OTOGL: variants seen among roughly 807,000 people sequenced by gnomAD.
OTOGL encodes the protein otogelin-like protein.
In OTOGL, 285 loss-of-function variants were observed where a neutral mutation model predicts 318.5. The observed-to-expected ratio is 0.89, with a 90% CI of 0.81 to 0.99. The LOEUF (loss-of-function observed/expected upper bound fraction) is 0.99. OTOGL is among the 50% of genes least tolerant of loss of function. The pLI is 0.00. For missense variants in OTOGL, 2,899 were observed against 2,845.6 expected (o/e 1.02, Z -0.43); for synonymous variants, 987 against 936.5 (o/e 1.05, Z -0.99).
In OTOGL at chr12:80,365,259, T is replaced by C. The variant is rs74701219; in HGVS notation, c.6268-1315T>C. On this transcript the variant is annotated intron_variant, in intron 52 of 58. Transcript: ENST00000547103. ...CCAAAGTGGAAGCAGCCTAAAGTGA[T>C]TTTGTTGCAGACTTTACAGGAGAGG... Among the ~76,000 whole-genome samples, 1,125 of 152,236 alleles carry C rather than the reference T, an allele frequency of 7.4e-3. 15 individuals are homozygous for C. The highest frequency in any genetic ancestry group is 0.026 in the African/African-American group (1,086 of 41,560).
intron 1 of OTOGL, among the ~76,000 whole-genome samples, chr12:80,130,040 T>G (rs1592477188): frequency 6.6e-6 from 1 of 152,226 alleles, no homozygotes; most frequent in South Asian, 2.1e-4. Context: ...TATCTCCTTT[T>G]TTTTCTTCTG....
At position 80,367,573 on chromosome 12, in the gene OTOGL, T is replaced by G. The variant is rs1890620754; in HGVS notation, c.6344T>G (p.Val2115Gly). Residue 2115 changes from valine to glycine, a missense_variant, in exon 54 of 59, where the codon GTG (valine) becomes GGG (glycine). Physicochemically the swap from Val to Gly is moderately radical, Grantham distance 109. Coordinates refer to ENST00000547103, the MANE Select transcript of OTOGL (RefSeq NM_001378609.3). Reference protein sequence around the residue: ...CIQYLCEKDDVCVFQEVSVLN... With the variant: ...CIQYLCEKDDGCVFQEVSVLN... ...TTTCTGTTCTTAGAAAAGGATGATG[T>G]GTGTGTATTTCAAGAAGTATCAGTA... is the stretch of plus-strand genomic sequence containing the variant. 1 of 1,529,012 alleles carries G rather than the reference T, an allele frequency of 6.5e-7. No homozygotes were observed. 94.7% of individuals were successfully genotyped at this position (1,529,012 alleles called of 1,614,324 possible). A position where few individuals can be genotyped will look rare whatever the true frequency, so the allele number is the denominator to read the frequency against.
chr12:80,127,335 C>A (rs10778711), intron 1 of OTOGL, among the ~76,000 whole-genome samples: 96,683 of 150,992 alleles, frequency 0.64, 31,722 homozygotes, highest in African/African-American at 0.78. Flanking sequence ...TTCTGGGTTG[C>A]AAATTCTTTT....
intron 1 of OTOGL, among the ~76,000 whole-genome samples, chr12:80,110,391 T>C (rs1025576679): frequency 6.6e-6 from 1 of 152,164 alleles, no homozygotes; most frequent in Admixed American, 6.5e-5. Context: ...CTCCTAATGC[T>C]ATCCCTCCCC....
intron 8 of OTOGL, among the ~76,000 whole-genome samples, chr12:80,231,348 C>A (rs1363218391): frequency 1.3e-5 from 2 of 152,118 alleles, no homozygotes; most frequent in East Asian, 3.9e-4. Flanking sequence ...AAACATTTAG[C>A]TATTTTTCTA....
In OTOGL at chr12:80,235,689, G is replaced by T. The variant is rs1409923491; in HGVS notation, c.817+2592G>T. Among the ~76,000 whole-genome samples, 4 of 152,214 alleles carry T rather than the reference G, an allele frequency of 2.6e-5. No homozygotes were observed. In the East Asian group the frequency reaches 7.7e-4, roughly 29 times the overall value. ...GCCAACTGGGGCAGCATGCACAAGGGTGTCAGTCTGCCAGAGGAAGACTGG... is the reference window on the plus strand; with the variant it reads ...GCCAACTGGGGCAGCATGCACAAGGTTGTCAGTCTGCCAGAGGAAGACTGG... On this transcript the variant is annotated intron_variant, in intron 9 of 58. Coordinates refer to ENST00000547103, the MANE Select transcript of OTOGL (RefSeq NM_001378609.3).
intron 23 of OTOGL, 128 bp downstream of exon 23, chr12:80,270,282 C>A: frequency 2.7e-6 from 2 of 734,726 alleles, no homozygotes; most frequent in Non-Finnish European, 4.5e-6. Flanking sequence ...TGTTCTTCAA[C>A]ATGGTGTTCC....
At chr12:80,264,756 C>A (rs571362501) in intron 19 of OTOGL, among the ~76,000 whole-genome samples, 1 of 151,974 alleles carries the variant, frequency 6.6e-6, no homozygotes, top group African/African-American at 2.4e-5. Context: ...TTCTCTCAAC[C>A]CTTCTATTAC....
chr12:80,376,897 G>A (rs1054472803), intron 57 of OTOGL, among the ~76,000 whole-genome samples: 13 of 151,816 alleles, frequency 8.6e-5, no homozygotes, highest in Non-Finnish European at 1.8e-4. Flanking sequence ...GATATAAAGT[G>A]GAAATCAATA....
intron 37 of OTOGL, among the ~76,000 whole-genome samples, chr12:80,332,456 CTCACAGATGTGTTTACCAA>C (rs1287608892): frequency 6.6e-6 from 1 of 152,104 alleles, no homozygotes; most frequent in Non-Finnish European, 1.5e-5. Context: ...TAGAAGGTGC[CTCACAGATGTGTTTACCAA>C]TCACATCTCC....
chr12:80,109,688 C>A (rs1262565737), intron 1 of OTOGL, among the ~76,000 whole-genome samples: 3 of 152,130 alleles, frequency 2.0e-5, no homozygotes, highest in Non-Finnish European at 4.4e-5. Flanking sequence ...TTGGCCAGAT[C>A]CAATATCAAA....
In OTOGL at chr12:80,378,306, A is replaced by G; in HGVS notation, c.*258A>G. On this transcript the variant is annotated 3_prime_UTR_variant, in exon 59 of 59. Coordinates refer to ENST00000547103, the MANE Select transcript of OTOGL (RefSeq NM_001378609.3). ...AAATGCTGTTATGTATTTAATTACA[A>G]CTTGGTGCAGATACAGTATATTCTC... 5.6e-6 allele frequency: 2 copies of G among 355,048 alleles called. No individual in the cohort carries two copies. The highest frequency in any genetic ancestry group is 1.0e-5 in the Non-Finnish European group (2 of 194,864). The allele number at this position is 355,048 out of a possible 1,614,324, so 22.0% of individuals were successfully genotyped here.
intron 24 of OTOGL, among the ~76,000 whole-genome samples, chr12:80,274,679 G>C (rs918755190): frequency 1.3e-5 from 2 of 152,050 alleles, no homozygotes; most frequent in Non-Finnish European, 2.9e-5. Flanking sequence ...TTCTTAGCTA[G>C]AGAGAAGACA....
chr12:80,269,900 G>A (rs900681103), intron 22 of OTOGL, among the ~76,000 whole-genome samples: 1 of 151,948 alleles, frequency 6.6e-6, no homozygotes, highest in East Asian at 1.9e-4. Context: ...ACACTTATAG[G>A]TGTTTGATAA....
chr12:80,184,945 G>A (rs997795307), intron 1 of OTOGL, among the ~76,000 whole-genome samples: 1 of 152,214 alleles, frequency 6.6e-6, no homozygotes, highest in Non-Finnish European at 1.5e-5. Context: ...GTATTGGACT[G>A]TTACTCATCT....
intron 6 of OTOGL, among the ~76,000 whole-genome samples, chr12:80,221,241 G>A (rs1878293345): frequency 6.7e-6 from 1 of 150,230 alleles, no homozygotes; most frequent in South Asian, 2.1e-4. Context: ...CCAGTTTGAG[G>A]TCATGAATTA....
chr12:80,237,586 T>C (rs957701060), intron 9 of OTOGL, among the ~76,000 whole-genome samples: 3 of 152,094 alleles, frequency 2.0e-5, no homozygotes, highest in Non-Finnish European at 4.4e-5. Context: ...ACAAAGTTAA[T>C]ATGACTGGAG....
chr12:80,125,887 C>A (rs1870799621), intron 1 of OTOGL, among the ~76,000 whole-genome samples: 1 of 151,716 alleles, frequency 6.6e-6, no homozygotes, highest in Non-Finnish European at 1.5e-5. Context: ...TGGTGATATC[C>A]CCTTTATCAT....
At chr12:80,104,295 G>T (rs748435456) in intron 1 of OTOGL, among the ~76,000 whole-genome samples, 1 of 152,184 alleles carries the variant, frequency 6.6e-6, no homozygotes, top group Non-Finnish European at 1.5e-5. Context: ...TATCCAGATT[G>T]CTGGGAAGAT....
Sources: gnomAD v4.1 joint callset for allele counts (sites outside exome capture counted in the v4.1 genomes callset) on GRCh38, gnomAD v4.1.1 for gene constraint, MANE v1.5 for transcripts, NCBI Gene and HGNC (gene_info 2026-07-23, HGNC 2026-07-21) for gene names.